The following ZNF600 variants were observed in gnomAD, a reference collection of about 807,000 sequenced individuals.
ZNF600 encodes the protein zinc finger protein KR-ZNF1.
ZNF600 carries 4 observed loss-of-function variants against 7.3 expected under a neutral mutation model. The ratio of observed to expected loss-of-function variants is 0.55; its 90% CI spans 0.27 to 1.25. ZNF600 has a LOEUF of 1.25. ZNF600 is among the 50% of genes most tolerant of loss of function. The pLI, the probability that ZNF600 is intolerant of heterozygous loss-of-function variation, is 0.12. For missense variants in ZNF600, 911 were observed against 922.1 expected, an observed-to-expected ratio of 0.99 and a Z score of 0.16; for synonymous variants, 290 against 308.9, an observed-to-expected ratio of 0.94 and a Z score of 0.64.
At chr19:52,829,365 CT>C in the ZNF600 span, among the ~76,000 whole-genome samples, 1 of 130,274 alleles carries the variant, frequency 7.7e-6, no homozygotes, top group Non-Finnish European at 1.6e-5. Flanking sequence ...TCCCTCCCCC[CT>C]CCCCCCTATT....
chr19:52,821,288 G>T, the ZNF600 span, among the ~76,000 whole-genome samples: 1 of 152,130 alleles, frequency 6.6e-6, no homozygotes, highest in Non-Finnish European at 1.5e-5. Context: ...CCTCTAGGGT[G>T]AGGACTTTAA....
At chr19:52,782,800 G>A (rs1173284914) in intron 1 of ZNF600, among the ~76,000 whole-genome samples, 1 of 151,974 alleles carries the variant, frequency 6.6e-6, no homozygotes, top group Non-Finnish European at 1.5e-5. Context: ...GCTTGAACCC[G>A]AGAGCCGGAG....
At chr19:52,791,025 T>C (rs2062789708), upstream of ZNF600, among the ~76,000 whole-genome samples, 1 of 152,188 alleles carries the variant, frequency 6.6e-6, no homozygotes, top group Admixed American at 6.5e-5. Context: ...GTCAGAGACA[T>C]GTTGATCTAC....
the ZNF600 span, among the ~76,000 whole-genome samples, chr19:52,811,483 T>C: frequency 6.8e-6 from 1 of 146,458 alleles, no homozygotes; most frequent in Non-Finnish European, 1.5e-5. Context: ...ATCTAGGAAG[T>C]GAGGAGCGTC....
chr19:52,769,245 A>C (rs1425293347), intron 3 of ZNF600, among the ~76,000 whole-genome samples: 1 of 152,238 alleles, frequency 6.6e-6, no homozygotes, highest in South Asian at 2.1e-4. Flanking sequence ...AGTCAGGCCC[A>C]CCTGCAGTTA....
intron 1 of ZNF600, among the ~76,000 whole-genome samples, chr19:52,785,836 C>A (rs2062759096): frequency 6.6e-6 from 1 of 152,108 alleles, no homozygotes; most frequent in South Asian, 2.1e-4. Flanking sequence ...CTTTGCTGCC[C>A]CTCTCCCTAC....
the ZNF600 span, among the ~76,000 whole-genome samples, chr19:52,830,791 T>C: frequency 1.3e-5 from 2 of 150,232 alleles, no homozygotes; most frequent in Non-Finnish European, 2.9e-5. Context: ...ATGTATCATG[T>C]GAGGCAAGGC....
chr19:52,767,754 A>G (rs2062600419), exon 4 of ZNF600: 1 of 1,575,790 alleles, frequency 6.3e-7, no homozygotes, highest in Non-Finnish European at 8.6e-7. Flanking sequence ...CTCCTTCATC[A>G]TGCGTTTGGA....
chr19:52,821,364 T>C, the ZNF600 span, among the ~76,000 whole-genome samples: 8 of 151,930 alleles, frequency 5.3e-5, no homozygotes, highest in African/African-American at 1.7e-4. Flanking sequence ...AGGAAGTGTA[T>C]ACATTGCCCT....
At position 52,766,002 on chromosome 19, in the gene ZNF600, G is replaced by A. The variant is rs113024651; in HGVS notation, c.1961C>T (p.Thr654Met). 4.2e-5 allele frequency: 68 copies of A among 1,611,802 alleles called. No homozygotes were observed. The highest frequency in any genetic ancestry group is 2.0e-4 in the African/African-American group (15 of 74,236). Residue 654 changes from threonine to methionine, a missense_variant, in exon 4 of 4, where the codon ACG becomes ATG. Coordinates refer to ENST00000648973, the Ensembl canonical transcript of ZNF600. Reference sequence around the variant, plus strand: ...ACGCACGAAAGCCTTGTCACAAACCGTACATTTGTAAGATTTCTCTCCAGT... The same window carrying A: ...ACGCACGAAAGCCTTGTCACAAACCATACATTTGTAAGATTTCTCTCCAGT...
the ZNF600 span, among the ~76,000 whole-genome samples, chr19:52,804,353 T>C: frequency 3.9e-4 from 59 of 152,258 alleles, no homozygotes; most frequent in Non-Finnish European, 7.6e-4. Flanking sequence ...TGGAGTGTAG[T>C]GGCATGATTC....
In ZNF600 at chr19:52,766,767, T is replaced by C. The variant is rs546545447; in HGVS notation, c.1196A>G (p.Tyr399Cys). ...AGCTGTGTCACAAACCTTACATTTG[T>C]ATGGTTTCTCTCCAGTATGAATTCT... Residue 399 changes from tyrosine (Y) to cysteine (C), a missense_variant, in exon 4 of 4, where the codon TAC (tyrosine) becomes TGC (cysteine). By Grantham distance (194) the Tyr-to-Cys change is radical. Coordinates refer to ENST00000648973, the Ensembl canonical transcript of ZNF600. 5.0e-6 allele frequency: 8 copies of C among 1,614,136 alleles called. No homozygotes were observed. The African/African-American group carries it at 5.3e-5, about 11-fold the overall frequency.
chr19:52,786,699 G>T (rs1162763467), exon 1 of ZNF600: 2 of 300,670 alleles, frequency 6.7e-6, no homozygotes, highest in Non-Finnish European at 1.4e-5. Context: ...CCTGGGAAGT[G>T]CAGACTTAAT....
chr19:52,819,602 T>A, the ZNF600 span, among the ~76,000 whole-genome samples: 1 of 100,670 alleles, frequency 9.9e-6, no homozygotes, highest in African/African-American at 4.2e-5. Flanking sequence ...GGCTCAGAGC[T>A]GGAAACATTT....
chr19:52,765,754 A>C, exon 4 of ZNF600: 1 of 1,613,898 alleles, frequency 6.2e-7, no homozygotes, highest in Non-Finnish European at 8.5e-7. Context: ...CAAACCTTAC[A>C]TTTGTATGGT....
the ZNF600 span, among the ~76,000 whole-genome samples, chr19:52,820,178 C>T: frequency 7.6e-6 from 1 of 131,982 alleles, no homozygotes; most frequent in Non-Finnish European, 1.5e-5. Context: ...ACTGCAGTGG[C>T]GCAATCTCGG....
chr19:52,767,715 T>C (rs1192564264), exon 4 of ZNF600: 1 of 1,610,720 alleles, frequency 6.2e-7, no homozygotes, highest in Non-Finnish European at 8.5e-7. Context: ...GTGGATCACT[T>C]CTGTATTGCC....
chr19:52,776,716 C>T (rs1230671684), intron 2 of ZNF600, among the ~76,000 whole-genome samples: 1 of 152,104 alleles, frequency 6.6e-6, no homozygotes, highest in Non-Finnish European at 1.5e-5. Flanking sequence ...AAAAATAAAA[C>T]TTATTGCAAA....
chr19:52,805,409 G>C, the ZNF600 span: 1 of 152,098 alleles, frequency 6.6e-6, no homozygotes, highest in African/African-American at 2.4e-5. Flanking sequence ...CAGATCACCA[G>C]GTCAGGAGAT....
Sources: gnomAD v4.1 joint callset for allele counts (sites outside exome capture counted in the v4.1 genomes callset) on GRCh38, gnomAD v4.1.1 for gene constraint, MANE v1.5 for transcripts, NCBI Gene and HGNC (gene_info 2026-07-23, HGNC 2026-07-21) for gene names.